Variants in SLC27A4 observed in about 807,000 individuals in gnomAD.
SLC27A4 encodes solute carrier family 27 member 4.
SLC27A4 carries 33 observed loss-of-function variants against 64.4 expected under a neutral mutation model. That is an observed-to-expected ratio of 0.51 (90% CI 0.39 to 0.68). The LOEUF (loss-of-function observed/expected upper bound fraction) is 0.68, where lower values mean the gene tolerates loss of function less well. Among genes scored for constraint, SLC27A4 ranks in the 30% least tolerant of loss-of-function variants. The probability of loss-of-function intolerance (pLI) is 0.00; values close to 1 mark genes in which losing one functional copy is unlikely to be tolerated. For missense variants in SLC27A4, 824 were observed against 883.5 expected (o/e 0.93, Z 0.85); for synonymous variants, 377 against 370.0 (o/e 1.02, Z -0.22).
chr9:128,353,154 A>G lies in SLC27A4; in HGVS notation c.1117A>G (p.Ser373Gly). 1.2e-6 allele frequency: 2 copies of G among 1,614,204 alleles called. No homozygotes were observed. The highest frequency in any genetic ancestry group is 1.7e-6 in the Non-Finnish European group (2 of 1,180,036). The change falls in exon 8 of 13, where the codon AGC becomes GGC. Residue 373 changes from serine to glycine, a missense_variant. Ser to Gly is a moderately conservative substitution (Grantham distance 56, BLOSUM62 0). Coordinates refer to ENST00000300456, the MANE Select transcript of SLC27A4 (RefSeq NM_005094.4). This position sits in a 1 kb window ranked among gnomAD's most constrained non-coding sequence, Gnocchi z 4.9. ...GCAGTCCATCTGGACCAACTTTTCC[A>G]GCCGCTTCCACATACCCCAGGTGGC... is the stretch of plus-strand genomic sequence containing the variant. ...LRQSIWTNFSSRFHIPQVAEF... is the reference protein window; with the variant it reads ...LRQSIWTNFSGRFHIPQVAEF...
Position 128,360,655 on chromosome 9 carries a change from C to A in SLC27A4, c.*164C>A. On this transcript the variant is annotated 3_prime_UTR_variant, in exon 13 of 13. Coordinates refer to ENST00000300456, the MANE Select transcript of SLC27A4 (RefSeq NM_005094.4). ...ACTGCCAAGTGACTCATTGCCTTCC[C>A]AACCCTTCCAGAGGCTTTCTGTGAA... is the stretch of plus-strand genomic sequence containing the variant. 1 of 684,764 alleles carries A rather than the reference C, an allele frequency of 1.5e-6. No homozygotes were observed. Among genetic ancestry groups the A allele is most frequent in the Non-Finnish European group, 2.5e-6 (1 of 403,250 alleles). 42.4% of individuals were successfully genotyped at this position (684,764 alleles called of 1,614,324 possible).
At position 128,348,628 on chromosome 9, in the gene SLC27A4, A is replaced by G; in HGVS notation, c.640A>G (p.Ser214Gly). 6.2e-7 allele frequency: 1 copy of G among 1,613,978 alleles called. No homozygotes were observed. Among genetic ancestry groups the G allele is most frequent in the Non-Finnish European group, 8.5e-7 (1 of 1,180,020 alleles). Residue 214 changes from serine to glycine, a missense_variant, in exon 4 of 13, where the codon AGC becomes GGC. Physicochemically the swap from Ser to Gly is moderately conservative, Grantham distance 56. Transcript: ENST00000300456. Reference protein sequence around the residue: ...GSWEPGAVPPSTEHLDPLLKD... With the variant: ...GSWEPGAVPPGTEHLDPLLKD... ...CTGGGAGCCCGGTGCGGTGCCTCCA[A>G]GCACAGAACACCTGGACCCTCTGCT...
At chr9:128,357,512 C>T (rs539364600) in intron 12 of SLC27A4, among the ~76,000 whole-genome samples, 49 of 152,186 alleles carry the variant, frequency 3.2e-4, no homozygotes, top group Admixed American at 2.7e-3. Context: ...CTGCTGTGTA[C>T]GGAGTGGGAG....
chr9:128,341,648 C>T (rs879703474), intron 1 of SLC27A4, among the ~76,000 whole-genome samples: 59 of 152,236 alleles, frequency 3.9e-4, no homozygotes, highest in Admixed American at 1.4e-3. Flanking sequence ...AGGGACCAAG[C>T]AGGGCTCCTT....
intron 12 of SLC27A4, among the ~76,000 whole-genome samples, chr9:128,358,181 G>C (rs1832847718): frequency 6.6e-6 from 1 of 152,216 alleles, no homozygotes; most frequent in African/African-American, 2.4e-5. Flanking sequence ...ACCTTGCTTT[G>C]GGGTCATCAC....
Position 128,343,307 on chromosome 9 carries a change from C to T in SLC27A4, c.161+14C>T, listed in dbSNP as rs766174837. ...GCGCGATATCTTGTGAGTACCTGGC[C>T]CAGCCTTTCCTGGGGTCTGCCACAC... On this transcript the variant is annotated intron_variant, in intron 2 of 12. Coordinates refer to ENST00000300456, the MANE Select transcript of SLC27A4 (RefSeq NM_005094.4). The T allele has an allele frequency of 7.4e-6, 12 of 1,614,038 alleles. No homozygotes were observed. The highest frequency in any genetic ancestry group is 9.3e-6 in the Non-Finnish European group (11 of 1,179,992).
chr9:128,343,414 C>T, intron 2 of SLC27A4, 121 bp downstream of exon 2: 2 of 1,157,880 alleles, frequency 1.7e-6, no homozygotes, highest in Non-Finnish European at 1.3e-6. Flanking sequence ...AGCTGAGTTC[C>T]AGAACAGCAG....
At position 128,352,812 on chromosome 9, in the gene SLC27A4, C is replaced by T. The variant is rs750733343; in HGVS notation, c.987+65C>T. 2.8e-5 allele frequency: 36 copies of T among 1,298,840 alleles called. No homozygotes were observed. The East Asian group carries it at 3.0e-4, about 11-fold the overall frequency. The allele number at this position is 1,298,840 out of a possible 1,614,324, so 80.5% of individuals were successfully genotyped here. A position where few individuals can be genotyped will look rare whatever the true frequency, so the allele number is the denominator to read the frequency against. ...AGTTACCCTCTTCCCAACTACACTC[C>T]GGGGCATCTGTCTTATAGCTGAGGT... On this transcript the variant is annotated intron_variant, in intron 7 of 12. Coordinates refer to ENST00000300456, the MANE Select transcript of SLC27A4 (RefSeq NM_005094.4).
intron 6 of SLC27A4, among the ~76,000 whole-genome samples, chr9:128,351,107 GAA>G (rs979164573): frequency 9.4e-5 from 14 of 148,706 alleles, no homozygotes; most frequent in Admixed American, 4.0e-4. Flanking sequence ...AAAAAAAAAA[GAA>G]AGAAATTATC....
Position 128,353,402 on chromosome 9 carries a change from T to G in SLC27A4, c.1198-13T>G, listed in dbSNP as rs1404524164. On this transcript the variant is annotated splice_polypyrimidine_tract_variant and intron_variant, in intron 8 of 12. Coordinates refer to ENST00000300456, the MANE Select transcript of SLC27A4 (RefSeq NM_005094.4). The surrounding 1 kb of genome is among the most constrained non-coding windows in gnomAD (Gnocchi z 4.9). ...TGGTGAGAGAGCCCAGGCCCAAGTC[T>G]TGGCCTTCGCAGGTGGGGGCCTGTG... The G allele has an allele frequency of 5.0e-6, 8 of 1,614,202 alleles. No individual in the cohort carries two copies. The highest frequency in any genetic ancestry group is 6.8e-6 in the Non-Finnish European group (8 of 1,180,040).
At chr9:128,357,336 CAG>C (rs1832835878) in intron 12 of SLC27A4, among the ~76,000 whole-genome samples, 1 of 149,764 alleles carries the variant, frequency 6.7e-6, no homozygotes, top group Non-Finnish European at 1.5e-5. Context: ...GAGGCTGAGA[CAG>C]GAGAATTGCT....
intron 6 of SLC27A4, among the ~76,000 whole-genome samples, chr9:128,351,190 G>A (rs1379715722): frequency 6.6e-6 from 1 of 152,076 alleles, no homozygotes; most frequent in African/African-American, 2.4e-5. Flanking sequence ...CTTGAACCTG[G>A]GAGGCAAAGG....
chr9:128,348,417 G>A (rs536547575), intron 3 of SLC27A4, 128 bp from the exon 4 acceptor site: 1 of 1,160,642 alleles, frequency 8.6e-7, no homozygotes, highest in Non-Finnish European at 1.3e-6. Context: ...TGAAGGCCCA[G>A]TTGCTTCACT....
At chr9:128,347,604 G>A (rs1832675170) in intron 3 of SLC27A4, among the ~76,000 whole-genome samples, 1 of 151,564 alleles carries the variant, frequency 6.6e-6, no homozygotes. Flanking sequence ...GCACACGCCT[G>A]TAATCTTGGC....
In SLC27A4 at chr9:128,355,146, T is replaced by C; in HGVS notation, c.1418T>C (p.Ile473Thr). 1 of 1,613,638 alleles carries C rather than the reference T, an allele frequency of 6.2e-7. No homozygotes were observed. The highest frequency in any genetic ancestry group is 8.5e-7 in the Non-Finnish European group (1 of 1,179,840). Residue 473 changes from isoleucine (I) to threonine (T), a missense_variant, in exon 10 of 13, where the codon ATT becomes ACT. Ile to Thr is a moderately conservative substitution (Grantham distance 89). Transcript: ENST00000300456. Reference protein sequence around the residue: ...YLNQGANNKKIAKDVFKKGDQ... With the variant: ...YLNQGANNKKTAKDVFKKGDQ... ...AACCAGGGCGCCAACAACAAGAAGATTGCCAAGGATGTCTTCAAGAAGGGG... is the reference window on the plus strand; with the variant it reads ...AACCAGGGCGCCAACAACAAGAAGACTGCCAAGGATGTCTTCAAGAAGGGG...
Position 128,345,419 on chromosome 9 carries a change from A to G in SLC27A4, c.426A>G (p.Leu142=), listed in dbSNP as rs777782415. ...FMENRNEFVG[L]WLGMAKLGVE... ...AGAACCGCAATGAGTTCGTGGGCCT[A>G]TGGCTGGGCATGGCCAAGCTCGGTG... Residue 142 remains leucine (L), a synonymous_variant, in exon 3 of 13, where the codon CTA becomes CTG. Transcript: ENST00000300456. This position sits in a 1 kb window ranked among gnomAD's most constrained non-coding sequence, Gnocchi z 4.1. 8.7e-6 allele frequency: 14 copies of G among 1,613,512 alleles called. No homozygotes were observed. The highest frequency in any genetic ancestry group is 7.7e-5 in the South Asian group (7 of 91,088).
chr9:128,346,953 C>T (rs1161690269), intron 3 of SLC27A4, among the ~76,000 whole-genome samples: 2 of 151,842 alleles, frequency 1.3e-5, no homozygotes, highest in African/African-American at 2.4e-5. Flanking sequence ...TGCAGTGAGC[C>T]GAGATCACGT....
At chr9:128,355,606 C>G (rs1009973169) in intron 11 of SLC27A4, 44 bp downstream of exon 11, 1 of 1,607,196 alleles carries the variant, frequency 6.2e-7, no homozygotes, top group African/African-American at 1.3e-5. Flanking sequence ...AGGCACCACC[C>G]AGGGGCACCA....
rs772253979 is a variant in SLC27A4 at position 128,352,619 on chromosome 9, G to T, written c.878-19G>T. 3.1e-5 allele frequency: 50 copies of T among 1,594,692 alleles called. No individual in the cohort carries two copies. The highest frequency in any genetic ancestry group is 4.0e-5 in the Non-Finnish European group (46 of 1,162,470). On this transcript the variant is annotated intron_variant, in intron 6 of 12. Transcript: ENST00000300456. ...GTCTTCATCTCGCTGACCCTCAGGG[G>T]CCATCCCTCTGCCTCCAGGAAACAT...
Sources: allele counts gnomAD v4.1 joint callset (sites outside exome capture counted in the v4.1 genomes callset), GRCh38; gene constraint gnomAD v4.1.1; non-coding constraint Gnocchi (gnomAD v3.1); transcripts MANE v1.5; gene names NCBI Gene and HGNC (gene_info 2026-07-23, HGNC 2026-07-21).